The following MAST4 variants were observed in gnomAD, a reference collection of about 807,000 sequenced individuals.
MAST4 encodes microtubule-associated serine/threonine-protein kinase 4.
A neutral mutation model predicts 162.7 loss-of-function variants in MAST4; 89 were observed. That is an observed-to-expected ratio of 0.55 (90% CI 0.46 to 0.65). MAST4 has a LOEUF of 0.65. Among genes scored for constraint, MAST4 ranks in the 30% least tolerant of loss-of-function variants. The probability of loss-of-function intolerance (pLI) is 0.00; values close to 1 mark genes in which losing one functional copy is unlikely to be tolerated. For missense variants in MAST4, 3,153 were observed against 3,374.0 expected, an observed-to-expected ratio of 0.93 and a Z score of 1.62; for synonymous variants, 1,479 against 1,361.1, an observed-to-expected ratio of 1.09 and a Z score of -1.91.
intron 4 of MAST4, among the ~76,000 whole-genome samples, chr5:66,981,797 T>C (rs1341868665): frequency 1.3e-5 from 2 of 152,176 alleles, no homozygotes; most frequent in Non-Finnish European, 2.9e-5. Flanking sequence ...TAAAGTAGTA[T>C]TGCTTCTGGA....
intron 4 of MAST4, among the ~76,000 whole-genome samples, chr5:67,028,989 G>T (rs575191087): frequency 1.3e-5 from 2 of 151,914 alleles, no homozygotes; most frequent in Non-Finnish European, 2.9e-5. Context: ...AAATAAATTC[G>T]CTAGGCATGG....
intron 1 of MAST4, among the ~76,000 whole-genome samples, chr5:66,712,939 A>G (rs764326114): frequency 3.3e-5 from 5 of 152,216 alleles, no homozygotes; most frequent in Non-Finnish European, 5.9e-5. Context: ...GGAACCCAAT[A>G]TAAGAAATAG....
At chr5:66,791,178 C>T (rs545150931) in intron 3 of MAST4, among the ~76,000 whole-genome samples, 90 of 152,298 alleles carry the variant, frequency 5.9e-4, no homozygotes, top group African/African-American at 2.1e-3. Context: ...AGTACACCAC[C>T]ACGCCTGACT....
intron 12 of MAST4, 93 bp from the exon 13 acceptor site, chr5:67,118,589 A>T (rs1767202496): frequency 1.3e-6 from 1 of 769,132 alleles, no homozygotes; most frequent in Non-Finnish European, 2.1e-6. Context: ...TTTTTTTAAT[A>T]TGGGAGAAAC....
intron 5 of MAST4, among the ~76,000 whole-genome samples, chr5:67,074,237 A>G (rs1459979608): frequency 6.6e-6 from 1 of 152,174 alleles, no homozygotes; most frequent in African/African-American, 2.4e-5. Flanking sequence ...AATGTACATC[A>G]AAATGATGAG....
intron 1 of MAST4, among the ~76,000 whole-genome samples, chr5:66,630,066 C>T (rs1041413246): frequency 6.6e-6 from 1 of 151,994 alleles, no homozygotes; most frequent in Non-Finnish European, 1.5e-5. Context: ...ACACTGGGTA[C>T]ATATTAGAAT....
intron 1 of MAST4, among the ~76,000 whole-genome samples, chr5:66,638,064 T>C (rs1745237534): frequency 6.6e-6 from 1 of 152,220 alleles, no homozygotes. Context: ...ATTTTTATTG[T>C]TTTTGTTTCT....
intron 14 of MAST4, among the ~76,000 whole-genome samples, 182 bp from the exon 15 acceptor site, chr5:67,130,028 A>G (rs1041075977): frequency 1.3e-5 from 2 of 152,168 alleles, no homozygotes; most frequent in African/African-American, 2.4e-5. Context: ...TTGAAAAAAA[A>G]TCAATCTAGC....
chr5:66,967,920 T>C (rs1408678583), intron 4 of MAST4, among the ~76,000 whole-genome samples: 1 of 152,162 alleles, frequency 6.6e-6, no homozygotes, highest in East Asian at 1.9e-4. Context: ...CCCCAGTACT[T>C]AATAAATTGG....
At chr5:66,995,934 A>G (rs556449424) in intron 4 of MAST4, among the ~76,000 whole-genome samples, 34 of 151,746 alleles carry the variant, frequency 2.2e-4, no homozygotes, top group African/African-American at 8.3e-4. Flanking sequence ...AAAACATGAG[A>G]AGTATAAAAG....
chr5:66,722,822 AGGGAGAGGTGTCTG>A lies in MAST4; in HGVS notation c.364-36879_364-36866del, dbSNP rs199632210. ...GGGAGGCAATCATAGCTGCATAGCGAGGGAGAGGTGTCTGGGGAGAGATACCCTCCTTACTTCCG... is the reference window on the plus strand; with the variant it reads ...GGGAGGCAATCATAGCTGCATAGCGAGGGAGAGATACCCTCCTTACTTCCG... On this transcript the variant is annotated intron_variant, in intron 1 of 28. Coordinates refer to ENST00000403625, the MANE Select transcript of MAST4 (RefSeq NM_001164664.2). 3.3e-5 allele frequency among the ~76,000 whole-genome samples: 5 copies of A among 152,294 alleles called. No homozygotes were observed. In the East Asian group the frequency reaches 9.7e-4, roughly 29 times the overall value.
At chr5:67,151,325 A>G (rs1022038167) in intron 24 of MAST4, among the ~76,000 whole-genome samples, 1 of 145,900 alleles carries the variant, frequency 6.9e-6, no homozygotes, top group African/African-American at 2.8e-5. Context: ...TTCCTCATGG[A>G]CAGCACCTTC....
intron 3 of MAST4, among the ~76,000 whole-genome samples, chr5:66,799,707 A>T (rs781373260): frequency 3.3e-5 from 5 of 152,204 alleles, no homozygotes; most frequent in Admixed American, 6.5e-5. Flanking sequence ...CTGTGGCCCT[A>T]ACCTGAATTG....
intron 4 of MAST4, among the ~76,000 whole-genome samples, chr5:67,016,344 A>G (rs1275994193): frequency 2.6e-5 from 4 of 152,230 alleles, no homozygotes; most frequent in Non-Finnish European, 5.9e-5. Flanking sequence ...CTTATGGCCA[A>G]AAGAAATACA....
chr5:66,828,828 G>T, intron 3 of MAST4: 1 of 1,606,088 alleles, frequency 6.2e-7, no homozygotes, highest in Non-Finnish European at 8.5e-7. Flanking sequence ...GAGGCTCAGA[G>T]AAAGCAGAGG....
intron 4 of MAST4, among the ~76,000 whole-genome samples, chr5:67,051,852 T>A (rs1758221526): frequency 6.6e-6 from 1 of 152,190 alleles, no homozygotes; most frequent in South Asian, 2.1e-4. Context: ...TCAGCCTATA[T>A]TATATAAACA....
At chr5:66,871,729 A>G (rs1321358323) in intron 3 of MAST4, among the ~76,000 whole-genome samples, 1 of 152,222 alleles carries the variant, frequency 6.6e-6, no homozygotes, top group African/African-American at 2.4e-5. Flanking sequence ...CTCCAGGTCA[A>G]CGTGTCAACT....
chr5:67,153,747 C>T (rs187471414), intron 26 of MAST4, among the ~76,000 whole-genome samples, 167 bp downstream of exon 26: 1 of 152,318 alleles, frequency 6.6e-6, no homozygotes, highest in African/African-American at 2.4e-5. Flanking sequence ...GGTTTTATGT[C>T]ATGAAATAAT....
chr5:66,609,392 C>CTTTTTTTT (rs373893029), intron 1 of MAST4, among the ~76,000 whole-genome samples: 2 of 128,620 alleles, frequency 1.6e-5, no homozygotes, highest in African/African-American at 6.0e-5. Flanking sequence ...CAATGCACTA[C>CTTTTTTTT]TTTTTTTTTT....
Sources: allele counts gnomAD v4.1 joint callset (sites outside exome capture counted in the v4.1 genomes callset), GRCh38; gene constraint gnomAD v4.1.1; transcripts MANE v1.5; gene names NCBI Gene and HGNC (gene_info 2026-07-23, HGNC 2026-07-21).